The following ABCB6 variants were observed in gnomAD, a reference collection of about 807,000 sequenced individuals.
The protein encoded by ABCB6 is ATP-binding cassette sub-family B member 6.
ABCB6 carries 87 observed loss-of-function variants against 99.4 expected under a neutral mutation model. That is an observed-to-expected ratio of 0.88 (90% CI 0.74 to 1.05). The LOEUF is 1.05. Ranked by LOEUF, ABCB6 falls within the 50% of genes least tolerant of loss-of-function variation. The pLI is 0.00. For synonymous variants in ABCB6, 482 were observed against 447.5 expected, an observed-to-expected ratio of 1.08 and a Z score of -0.97; for missense variants, 1,050 against 1,097.9, an observed-to-expected ratio of 0.96 and a Z score of 0.62.
In ABCB6 at chr2:219,210,064, G is replaced by A. The variant is rs752982431; in HGVS notation, c.2421-18C>T. The A allele has an allele frequency of 4.6e-5, 74 of 1,611,096 alleles. No individual in the cohort carries two copies. Among genetic ancestry groups the A allele is most frequent in the Non-Finnish European group, 6.2e-5 (73 of 1,177,458 alleles). The stretch of plus-strand genomic sequence containing the variant: ...CCTCGTGTCTGGGGTGAGGAGAAAA[G>A]TGTGAGTCCTAACCATTAGTTTTAC... On this transcript the variant is annotated intron_variant, in intron 18 of 18. Coordinates refer to ENST00000265316, the MANE Select transcript of ABCB6 (RefSeq NM_005689.4).
At chr2:219,213,394 C>T (rs1354560321) in intron 11 of ABCB6, 45 bp downstream of exon 11, 1 of 1,613,930 alleles carries the variant, frequency 6.2e-7, no homozygotes, top group Non-Finnish European at 8.5e-7. Flanking sequence ...AGAAACACCA[C>T]ACAGCTCCTC....
chr2:219,212,531 C>G, intron 13 of ABCB6, 40 bp from the exon 14 acceptor site: 1 of 1,528,150 alleles, frequency 6.5e-7, no homozygotes, highest in African/African-American at 1.4e-5. Flanking sequence ...GGCCCACTGG[C>G]TTTTTTTTTG....
At chr2:219,214,904 A>T in intron 6 of ABCB6, 57 bp downstream of exon 6, 1 of 1,608,138 alleles carries the variant, frequency 6.2e-7, no homozygotes, top group Non-Finnish European at 8.5e-7. Flanking sequence ...GGCACAGCTC[A>T]TGGCCAAGGG....
In ABCB6 at chr2:219,214,113, A is replaced by T; in HGVS notation, c.1452+8T>A. 6.2e-7 allele frequency: 1 copy of T among 1,614,082 alleles called. No homozygotes were observed. Among genetic ancestry groups the T allele is most frequent in the Non-Finnish European group, 8.5e-7 (1 of 1,179,982 alleles). On this transcript the variant is annotated splice_region_variant and intron_variant, in intron 8 of 18. Coordinates refer to ENST00000265316, the MANE Select transcript of ABCB6 (RefSeq NM_005689.4). ...TATTCTCCGGAGGCCTCAAACTAGCATCCTCACCTGATATTTGATGATGGC... is the reference window on the plus strand; with the variant it reads ...TATTCTCCGGAGGCCTCAAACTAGCTTCCTCACCTGATATTTGATGATGGC...
intron 2 of ABCB6, among the ~76,000 whole-genome samples, chr2:219,217,038 A>G (rs1950650179): frequency 1.3e-5 from 2 of 152,218 alleles, no homozygotes; most frequent in Non-Finnish European, 2.9e-5. Context: ...ATGACAGGGA[A>G]TGAAATGAAG....
Position 219,216,455 on chromosome 2 carries a change from C to A in ABCB6, c.879G>T (p.Leu293=), listed in dbSNP as rs1239450867. The A allele has an allele frequency of 1.2e-6, 2 of 1,613,976 alleles. No homozygotes were observed. The highest frequency in any genetic ancestry group is 8.5e-7 in the Non-Finnish European group (1 of 1,179,964). ...PIFYRNIVNL[L]TEKAPWNSLA... ...GAGAGTTCCAAGGTGCCTTCTCAGT[C>A]AGCAAGTTCACTGTGGAGGAAACGA... Residue 293 remains leucine (L), a synonymous_variant, in exon 4 of 19, where the codon CTG becomes CTT. Coordinates refer to ENST00000265316, the MANE Select transcript of ABCB6 (RefSeq NM_005689.4). The surrounding 1 kb of genome is among the most constrained non-coding windows in gnomAD (Gnocchi z 4.2).
Position 219,218,831 on chromosome 2 carries a change from C to G in ABCB6, c.-158G>C. The G allele has an allele frequency of 1.3e-6, 1 of 766,294 alleles. No individual in the cohort carries two copies. Among genetic ancestry groups the G allele is most frequent in the East Asian group, 3.1e-5 (1 of 32,456 alleles). 47.5% of individuals were successfully genotyped at this position (766,294 alleles called of 1,614,324 possible). ...CGGGAAGGGACGCACGTGGACCAGG[C>G]CTCACCGCCCACTCCCCTAGCGCAC... On this transcript the variant is annotated 5_prime_UTR_variant, in exon 1 of 19. Transcript: ENST00000265316.
At chr2:219,210,106 A>C in intron 18 of ABCB6, 60 bp from the exon 19 acceptor site, 1 of 1,599,086 alleles carries the variant, frequency 6.3e-7, no homozygotes, top group Non-Finnish European at 8.6e-7. Context: ...GGTCCTTGCC[A>C]CCAGCCCACA....
chr2:219,209,954 T>A lies in ABCB6; in HGVS notation c.2513A>T (p.Gln838Leu), dbSNP rs763725814. ...QEETSEDTKP[Q>L]TMER ...AAACTTTTGTCACCGTTCCATGGTCTGAGGCTTAGTGTCTTCAGAGGTTTC... is the reference window on the plus strand; with the variant it reads ...AAACTTTTGTCACCGTTCCATGGTCAGAGGCTTAGTGTCTTCAGAGGTTTC... Residue 838 changes from glutamine to leucine, a missense_variant, in exon 19 of 19, where the codon CAG becomes CTG. Transcript: ENST00000265316. The A allele has an allele frequency of 6.2e-7, 1 of 1,614,204 alleles. No homozygotes were observed. Among genetic ancestry groups the A allele is most frequent in the Non-Finnish European group, 8.5e-7 (1 of 1,180,000 alleles).
In ABCB6 at chr2:219,210,962, G is replaced by T; in HGVS notation, c.2115C>A (p.Ile705=). 4 of 1,614,172 alleles carry T rather than the reference G, an allele frequency of 2.5e-6. No homozygotes were observed. Among genetic ancestry groups the T allele is most frequent in the Non-Finnish European group, 3.4e-6 (4 of 1,180,034 alleles). The change falls in exon 15 of 19, where the codon ATC becomes ATA. Residue 705 remains isoleucine (I), a synonymous_variant. Transcript: ENST00000265316. ...CAGGGAAAGCCATAATGGCATCATG[G>T]ATGCCTGCAGCCTGAGCAGCAGCCT... The part of the protein sequence containing the change: ...EVEAAAQAAG[I]HDAIMAFPEG...
rs750681683 is a variant in ABCB6 at position 219,213,350 on chromosome 2, G to A, written c.1720-24C>T. 1.9e-6 allele frequency: 3 copies of A among 1,613,786 alleles called. No individual in the cohort carries two copies. The Admixed American group carries it at 5.0e-5, about 27-fold the overall frequency. On this transcript the variant is annotated intron_variant, in intron 11 of 18. Transcript: ENST00000265316. ...ACCTGGAAGGGCACCACCCATGTGT[G>A]CTGAGGTTCTCAGCTTTGTGTTTTC...
In ABCB6 at chr2:219,218,372, G is replaced by GC. The variant is rs768732686; in HGVS notation, c.301dup (p.Ala101GlyfsTer61). 1.2e-6 allele frequency: 2 copies of GC among 1,612,706 alleles called. No individual in the cohort carries two copies. Among genetic ancestry groups the GC allele is most frequent in the Non-Finnish European group, 1.7e-6 (2 of 1,179,846 alleles). ...CAGAAGTAGATAGCTTGGCAGTGGGGCCCCCCGGGCAGTGCCCACCCGGCC... is the reference window on the plus strand; with the variant it reads ...CAGAAGTAGATAGCTTGGCAGTGGGGCCCCCCCGGGCAGTGCCCACCCGGCC... On this transcript the variant is annotated frameshift_variant, in exon 1 of 19. Transcript: ENST00000265316. LOFTEE classifies it high-confidence loss of function.
chr2:219,216,850 G>T lies in ABCB6; in HGVS notation c.688-18C>A, dbSNP rs749806881. 2 of 1,599,162 alleles carry T rather than the reference G, an allele frequency of 1.3e-6. No homozygotes were observed. Among genetic ancestry groups the T allele is most frequent in the Non-Finnish European group, 1.7e-6 (2 of 1,173,366 alleles). On this transcript the variant is annotated intron_variant, in intron 2 of 18. Transcript: ENST00000265316. The surrounding 1 kb of genome is among the most constrained non-coding windows in gnomAD (Gnocchi z 4.2). Reference sequence around the variant, plus strand: ...GACCGAACCTAGGATGGTGAAACACGTAGGAAGGGAGCTCAGAAATCAAGT... The same window carrying T: ...GACCGAACCTAGGATGGTGAAACACTTAGGAAGGGAGCTCAGAAATCAAGT...
Position 219,213,889 on chromosome 2 carries a change from A to T in ABCB6, c.1515T>A (p.Ile505=), listed in dbSNP as rs372510577. 5 of 1,614,056 alleles carry T rather than the reference A, an allele frequency of 3.1e-6. No homozygotes were observed. The highest frequency in any genetic ancestry group is 1.7e-5 in the Admixed American group (1 of 60,010). ...VLLNQTQNLV[I]GLGLLAGSLL... is the part of the protein sequence containing the mutation. ...GGGAGCCGGCGAGGAGCCCGAGCCC[A>T]ATCACCAGGTTCTGGGTCTGATTTA... is the stretch of plus-strand genomic sequence containing the variant. The change falls in exon 9 of 19, where the codon ATT becomes ATA. Residue 505 remains isoleucine, a synonymous_variant. Transcript: ENST00000265316.
At chr2:219,217,879 C>A in intron 1 of ABCB6, 72 bp from the exon 2 acceptor site, 1 of 1,549,720 alleles carries the variant, frequency 6.5e-7, no homozygotes, top group South Asian at 1.2e-5. Flanking sequence ...TATAATAGGG[C>A]CGGGGACTGG....
At chr2:219,211,247 G>T in intron 14 of ABCB6, 139 bp from the exon 15 acceptor site, 1 of 821,458 alleles carries the variant, frequency 1.2e-6, no homozygotes, top group South Asian at 1.6e-5. Context: ...TAGCCGTGTG[G>T]GCAAATCACT....
Position 219,216,832 on chromosome 2 carries a change from CCT to C in ABCB6, c.688-2_688-1del. 6.2e-7 allele frequency: 1 copy of C among 1,609,902 alleles called. No individual in the cohort carries two copies. The highest frequency in any genetic ancestry group is 1.3e-5 in the African/African-American group (1 of 74,886). ...GTAGACTGTTGGGCTGCTGACCGAACCTAGGATGGTGAAACACGTAGGAAGGG... is the reference window on the plus strand; with the variant it reads ...GTAGACTGTTGGGCTGCTGACCGAACAGGATGGTGAAACACGTAGGAAGGG... On this transcript the variant is annotated splice_acceptor_variant, in intron 2 of 18. Transcript: ENST00000265316. LOFTEE classifies it high-confidence loss of function. This position sits in a 1 kb window ranked among gnomAD's most constrained non-coding sequence, Gnocchi z 4.2.
chr2:219,215,546 G>GAGAGTT, intron 5 of ABCB6: 1 of 165,568 alleles, frequency 6.0e-6, no homozygotes, highest in South Asian at 1.6e-4. Context: ...TTCCAGGCCA[G>GAGAGTT]CCTGGCCAAC....
chr2:219,210,228 A>C lies in ABCB6; in HGVS notation c.2420+2T>G, dbSNP rs1950558648. ...TGTCCTTTTGATCTATGTGTCTCTT[A>C]CCGTCCCCTCTCCACGATGCAGCCA... On this transcript the variant is annotated splice_donor_variant, in intron 18 of 18. Coordinates refer to ENST00000265316, the MANE Select transcript of ABCB6 (RefSeq NM_005689.4). LOFTEE classifies it high-confidence loss of function. 1.2e-6 allele frequency: 2 copies of C among 1,613,882 alleles called. No homozygotes were observed. Among genetic ancestry groups the C allele is most frequent in the Admixed American group, 1.7e-5 (1 of 59,996 alleles).
Sources: allele counts gnomAD v4.1 joint callset (sites outside exome capture counted in the v4.1 genomes callset), GRCh38; gene constraint gnomAD v4.1.1; non-coding constraint Gnocchi (gnomAD v3.1); transcripts MANE v1.5; gene names NCBI Gene and HGNC (gene_info 2026-07-23, HGNC 2026-07-21).